Variants in ST8SIA5 observed in about 807,000 individuals in gnomAD.
ST8SIA5 encodes ST8 alpha-N-acetyl-neuraminide alpha-2,8-sialyltransferase 5, also known as alpha-2,8-sialyltransferase 8E.
In ST8SIA5, 24 loss-of-function variants were observed where a neutral mutation model predicts 40.2. That is an observed-to-expected ratio of 0.60 (90% CI 0.43 to 0.84). ST8SIA5 has a LOEUF of 0.84. ST8SIA5 is among the 40% of genes least tolerant of loss of function. The pLI, the probability that ST8SIA5 is intolerant of heterozygous loss-of-function variation, is 0.00. For missense variants in ST8SIA5, 465 were observed against 498.5 expected (o/e 0.93, Z 0.64); for synonymous variants, 198 against 201.8 (o/e 0.98, Z 0.16).
chr18:46,705,036 C>T (rs1194483993), intron 1 of ST8SIA5, among the ~76,000 whole-genome samples: 1 of 152,260 alleles, frequency 6.6e-6, no homozygotes, highest in Non-Finnish European at 1.5e-5. Flanking sequence ...CAGAGCCATT[C>T]TGGCGCAGCA....
chr18:46,751,110 C>G (rs2040191385), intron 1 of ST8SIA5, among the ~76,000 whole-genome samples: 1 of 152,164 alleles, frequency 6.6e-6, no homozygotes, highest in African/African-American at 2.4e-5. Flanking sequence ...AACTGAAACT[C>G]CATACCCATT....
In ST8SIA5 at chr18:46,673,023, A is replaced by C. The variant is rs1055629266; in HGVS notation, c.*7019T>G. On this transcript the variant is annotated 3_prime_UTR_variant, in exon 7 of 7. Transcript: ENST00000315087. The stretch of plus-strand genomic sequence containing the variant: ...CTTATATGAGGGACCTAGAGCAGTA[A>C]AATTCATAGAGAAAGAAAGTAGAAT... 2.0e-5 allele frequency: 3 copies of C among 152,248 alleles called. No homozygotes were observed. The highest frequency in any genetic ancestry group is 2.9e-5 in the Non-Finnish European group (2 of 68,046). 9.4% of individuals were successfully genotyped at this position (152,248 alleles called of 1,614,324 possible).
intron 1 of ST8SIA5, among the ~76,000 whole-genome samples, chr18:46,730,578 G>A (rs1435126813): frequency 2.0e-5 from 3 of 152,120 alleles, no homozygotes; most frequent in Non-Finnish European, 4.4e-5. Context: ...AACAAAAGTA[G>A]GCCTGGCACT....
At position 46,732,601 on chromosome 18, in the gene ST8SIA5, C is replaced by CTG. The variant is rs563435275; in HGVS notation, c.131+23776_131+23777insCA. 1.2e-3 allele frequency among the ~76,000 whole-genome samples: 183 copies of CTG among 152,256 alleles called. 1 individual carries two copies. Among genetic ancestry groups the CTG allele is most frequent in the African/African-American group, 4.2e-3 (174 of 41,550 alleles). On this transcript the variant is annotated intron_variant, in intron 1 of 6. Transcript: ENST00000315087. ...ACAGGAATGAGAATGACTGTACTCC[C>CTG]TATCATTAGAGGGATAACCTTGAGT...
intron 1 of ST8SIA5, among the ~76,000 whole-genome samples, chr18:46,710,411 C>CTT (rs1555695718): frequency 2.3e-4 from 30 of 128,660 alleles, no homozygotes; most frequent in East Asian, 2.2e-3. Flanking sequence ...TTCTTTCTTT[C>CTT]TTTCTTTTTC....
At chr18:46,746,375 G>C (rs2040140556) in intron 1 of ST8SIA5, among the ~76,000 whole-genome samples, 2 of 152,132 alleles carry the variant, frequency 1.3e-5, no homozygotes, top group African/African-American at 4.8e-5. Flanking sequence ...AAAGTCTCAG[G>C]ATACAAAATC....
chr18:46,706,722 A>T lies in ST8SIA5; in HGVS notation c.132-2058T>A, dbSNP rs534227098. On this transcript the variant is annotated intron_variant, in intron 1 of 6. Coordinates refer to ENST00000315087, the MANE Select transcript of ST8SIA5 (RefSeq NM_013305.6). Reference sequence around the variant, plus strand: ...AGGGTTCTGGATGCAATTTAGGTTCAGCCAGTTAGAAGCATTTGCATGAGA... The same window carrying T: ...AGGGTTCTGGATGCAATTTAGGTTCTGCCAGTTAGAAGCATTTGCATGAGA... Among the ~76,000 whole-genome samples, 40 of 152,342 alleles carry T rather than the reference A, an allele frequency of 2.6e-4. 1 individual carries two copies. In the South Asian group the frequency reaches 6.0e-3, roughly 23 times the overall value.
intron 1 of ST8SIA5, among the ~76,000 whole-genome samples, chr18:46,742,112 A>AAAAT (rs1555698146): frequency 6.6e-6 from 1 of 151,886 alleles, no homozygotes; most frequent in African/African-American, 2.4e-5. Context: ...AAAATAAATA[A>AAAAT]ATAAATAAAT....
chr18:46,730,321 C>T (rs1340619460), intron 1 of ST8SIA5: 2 of 894,160 alleles, frequency 2.2e-6, no homozygotes, highest in Non-Finnish European at 2.7e-6. Flanking sequence ...TCTCATCCGT[C>T]AAAGGGGATG....
chr18:46,701,454 G>A (rs1272467769), intron 2 of ST8SIA5, among the ~76,000 whole-genome samples: 2 of 151,994 alleles, frequency 1.3e-5, no homozygotes, highest in African/African-American at 4.8e-5. Context: ...CTTTAAAGAG[G>A]TAATAAAGTT....
At chr18:46,701,944 A>C (rs966284669) in intron 2 of ST8SIA5, among the ~76,000 whole-genome samples, 1 of 152,122 alleles carries the variant, frequency 6.6e-6, no homozygotes, top group African/African-American at 2.4e-5. Context: ...TCAGGAGTTC[A>C]AGACCAGCCT....
intron 1 of ST8SIA5, among the ~76,000 whole-genome samples, chr18:46,739,636 G>C (rs77972308): frequency 3.3e-4 from 50 of 152,326 alleles, no homozygotes; most frequent in Non-Finnish European, 3.8e-4. Context: ...TTGGGGAACA[G>C]AGACATTCAA....
intron 1 of ST8SIA5, among the ~76,000 whole-genome samples, chr18:46,714,133 C>T (rs767306385): frequency 3.3e-5 from 5 of 152,034 alleles, no homozygotes; most frequent in Non-Finnish European, 5.9e-5. Flanking sequence ...GAAGGATGGC[C>T]TCTTTGGGAG....
rs865953545 is a variant in ST8SIA5 at position 46,725,984 on chromosome 18, T to A, written c.132-21320A>T. Among the ~76,000 whole-genome samples, 261 of 43,632 alleles carry A rather than the reference T, an allele frequency of 6.0e-3. 14 individuals are homozygous for A. Among genetic ancestry groups the A allele is most frequent in the Non-Finnish European group, 7.9e-3 (187 of 23,556 alleles). The allele number at this position is 43,632 out of a possible 152,430, so 28.6% of individuals were successfully genotyped here. On this transcript the variant is annotated intron_variant, in intron 1 of 6. Coordinates refer to ENST00000315087, the MANE Select transcript of ST8SIA5 (RefSeq NM_013305.6). The stretch of plus-strand genomic sequence containing the variant: ...TAAAAAAAAAAAAAATATATATATA[T>A]ATATATATATATATATATATATATA...
intron 1 of ST8SIA5, among the ~76,000 whole-genome samples, chr18:46,719,684 TTC>T (rs767499319): frequency 7.1e-6 from 1 of 141,116 alleles, no homozygotes; most frequent in Admixed American, 7.4e-5. Context: ...CTTTTCTTTT[TTC>T]TTTCTTTCTT....
chr18:46,740,260 A>C (rs2144558466), intron 1 of ST8SIA5, among the ~76,000 whole-genome samples: 1 of 152,324 alleles, frequency 6.6e-6, no homozygotes, highest in Middle Eastern at 3.4e-3. Context: ...GTAATGGCCA[A>C]AGGGCCCTCC....
chr18:46,749,397 A>C (rs1279859362), intron 1 of ST8SIA5, among the ~76,000 whole-genome samples: 1 of 152,214 alleles, frequency 6.6e-6, no homozygotes, highest in Non-Finnish European at 1.5e-5. Context: ...GAAAGAAGAA[A>C]ACGATGAGGA....
intron 2 of ST8SIA5, among the ~76,000 whole-genome samples, chr18:46,697,824 G>A (rs1456721039): frequency 3.3e-5 from 5 of 152,156 alleles, no homozygotes; most frequent in Non-Finnish European, 7.4e-5. Context: ...TTGAGAGAAA[G>A]TTGAAGAGTC....
chr18:46,753,080 G>A (rs1181876581), intron 1 of ST8SIA5, among the ~76,000 whole-genome samples: 1 of 152,206 alleles, frequency 6.6e-6, no homozygotes, highest in Non-Finnish European at 1.5e-5. Flanking sequence ...GTGACCCACT[G>A]TTACATCTGC....
Sources: allele counts gnomAD v4.1 joint callset (sites outside exome capture counted in the v4.1 genomes callset), GRCh38; gene constraint gnomAD v4.1.1; transcripts MANE v1.5; gene names NCBI Gene and HGNC (gene_info 2026-07-23, HGNC 2026-07-21).